The following ATG2A variants were observed in gnomAD, a reference collection of about 807,000 sequenced individuals.
The protein encoded by ATG2A is autophagy related 2A, also known as autophagy-related protein 2 homolog A.
A neutral mutation model predicts 214.2 loss-of-function variants in ATG2A; 103 were observed. That is an observed-to-expected ratio of 0.48 (90% CI 0.41 to 0.57). ATG2A has a LOEUF of 0.57. Ranked by LOEUF, ATG2A falls within the 20% of genes least tolerant of loss-of-function variation. The pLI is 0.00. For missense variants in ATG2A, 2,312 were observed against 2,613.2 expected (o/e 0.88, Z 2.51); for synonymous variants, 1,160 against 1,142.1 (o/e 1.02, Z -0.32).
intron 24 of ATG2A, among the ~76,000 whole-genome samples, chr11:64,905,325 C>T (rs993732725): frequency 6.6e-6 from 1 of 152,166 alleles, no homozygotes; most frequent in East Asian, 1.9e-4. Flanking sequence ...CTCTCTTATT[C>T]GCATATCCTA....
chr11:64,912,562 C>T, intron 6 of ATG2A, 139 bp from the exon 7 acceptor site: 1 of 673,112 alleles, frequency 1.5e-6, no homozygotes, highest in Non-Finnish European at 2.4e-6. Flanking sequence ...CTCTATGAAC[C>T]AGGCCACAAC....
rs770952675 is a variant in ATG2A at position 64,907,686 on chromosome 11, C to T, written c.2508-22G>A. On this transcript the variant is annotated intron_variant, in intron 17 of 40. Transcript: ENST00000377264. ...GATCCTGAGATAGGCGGGTGGACAG[C>T]AGGTAAGGGAGGCCAGGCCCACCCA... The T allele has an allele frequency of 3.1e-6, 5 of 1,595,920 alleles. No individual in the cohort carries two copies. The South Asian group carries it at 5.6e-5, about 18-fold the overall frequency.
rs745992164 is a variant in ATG2A at position 64,903,397 on chromosome 11, C to T, written c.3536-33G>A. The T allele has an allele frequency of 1.2e-6, 2 of 1,610,360 alleles. No homozygotes were observed. The highest frequency in any genetic ancestry group is 2.2e-5 in the East Asian group (1 of 44,870). On this transcript the variant is annotated intron_variant, in intron 25 of 40. Coordinates refer to ENST00000377264, the MANE Select transcript of ATG2A (RefSeq NM_015104.3). This position sits in a 1 kb window ranked among gnomAD's most constrained non-coding sequence, Gnocchi z 4.2. ...AGAGGCGAGAGAAAGGTCCTGTGGCCCCCTTCCACCCGGCCCCGGCCCCAG... is the reference window on the plus strand; with the variant it reads ...AGAGGCGAGAGAAAGGTCCTGTGGCTCCCTTCCACCCGGCCCCGGCCCCAG...
intron 26 of ATG2A, among the ~76,000 whole-genome samples, chr11:64,902,998 T>C (rs1944413638): frequency 7.1e-6 from 1 of 140,856 alleles, no homozygotes; most frequent in Non-Finnish European, 1.5e-5. Context: ...AGGAGATGAA[T>C]CCGGGGACCT....
In ATG2A at chr11:64,906,122, C is replaced by A. The variant is rs1190044328; in HGVS notation, c.3255G>T (p.Trp1085Cys). The A allele has an allele frequency of 6.3e-7, 1 of 1,582,654 alleles. No homozygotes were observed. The highest frequency in any genetic ancestry group is 1.8e-5 in the Admixed American group (1 of 54,914). The change falls in exon 22 of 41, where the codon TGG becomes TGT. Residue 1085 changes from tryptophan (W) to cysteine (C), a missense_variant. Trp to Cys is a radical substitution (Grantham distance 215). Transcript: ENST00000377264. ...CACCACCCACGCTCACCTGGGAATG[C>A]CAGCTCTGCTCGGGCAGGGCCATGT... Reference protein sequence around the residue: ...RHYMALPEQSWHSQLLEFLDV... With the variant: ...RHYMALPEQSCHSQLLEFLDV...
chr11:64,916,552 C>T (rs1209556527), intron 1 of ATG2A, among the ~76,000 whole-genome samples: 2 of 152,094 alleles, frequency 1.3e-5, no homozygotes, highest in Non-Finnish European at 2.9e-5. Context: ...GCCAGGGCTC[C>T]GGACCCCTAC....
chr11:64,905,661 G>A lies in ATG2A; in HGVS notation c.3372-6C>T. Reference sequence around the variant, plus strand: ...GCACTGGGAGGTAGAGTGGCCTGGGGGTGATACTCGGGCTGGGGCCGGCTC... The same window carrying A: ...GCACTGGGAGGTAGAGTGGCCTGGGAGTGATACTCGGGCTGGGGCCGGCTC... On this transcript the variant is annotated splice_region_variant and splice_polypyrimidine_tract_variant and intron_variant, in intron 23 of 40. Transcript: ENST00000377264. The A allele has an allele frequency of 6.2e-7, 1 of 1,613,846 alleles. No individual in the cohort carries two copies. Among genetic ancestry groups the A allele is most frequent in the Non-Finnish European group, 8.5e-7 (1 of 1,179,930 alleles).
chr11:64,902,410 ATGAG>A, intron 27 of ATG2A, 24 bp from the exon 28 acceptor site: 1 of 1,544,050 alleles, frequency 6.5e-7, no homozygotes, highest in Non-Finnish European at 8.7e-7. Flanking sequence ...GGGAGGAGCA[ATGAG>A]TGAGACAGGA....
rs867704446 is a variant in ATG2A at position 64,910,620 on chromosome 11, G to C, written c.1703C>G (p.Pro568Arg). 1 of 1,600,504 alleles carries C rather than the reference G, an allele frequency of 6.2e-7. No homozygotes were observed. Among genetic ancestry groups the C allele is most frequent in the Non-Finnish European group, 8.5e-7 (1 of 1,174,250 alleles). The change falls in exon 12 of 41, where the codon CCT (proline) becomes CGT (arginine). Residue 568 changes from proline to arginine, a missense_variant. Transcript: ENST00000377264. ...LRHTQILRRVPKSRPRRSVAC... is the reference protein window; with the variant it reads ...LRHTQILRRVRKSRPRRSVAC... ...GGCCTGGAGCGGGTGGGTTACCTTA[G>C]GCACACGGCGCAGGATCTGTGTGTG... is the stretch of plus-strand genomic sequence containing the variant.
In ATG2A at chr11:64,916,798, G is replaced by A. The variant is rs999436809; in HGVS notation, c.171+167C>T. 59 of 867,528 alleles carry A rather than the reference G, an allele frequency of 6.8e-5. No homozygotes were observed. The African/African-American group carries it at 8.9e-4, about 13-fold the overall frequency. 53.7% of individuals were successfully genotyped at this position (867,528 alleles called of 1,614,324 possible). A position where few individuals can be genotyped will look rare whatever the true frequency, so the allele number is the denominator to read the frequency against. ...CCGCTCAGTTTCTGGCTCTGGTAAG[G>A]AACTGAAGAGGCCAGCCGGGGTGCC... On this transcript the variant is annotated intron_variant, in intron 1 of 40. Transcript: ENST00000377264.
At chr11:64,908,507 A>G (rs1357590908) in intron 16 of ATG2A, among the ~76,000 whole-genome samples, 1 of 152,110 alleles carries the variant, frequency 6.6e-6, no homozygotes, top group Non-Finnish European at 1.5e-5. Context: ...AGCCGAGATC[A>G]TGCCACTGCA....
intron 16 of ATG2A, among the ~76,000 whole-genome samples, chr11:64,908,482 G>A (rs1475717397): frequency 6.6e-6 from 1 of 152,156 alleles, no homozygotes; most frequent in African/African-American, 2.4e-5. Flanking sequence ...AGCCTGGGAG[G>A]CGGAGGTTGC....
At chr11:64,896,343 G>A (rs1245391467) in intron 39 of ATG2A, 119 bp downstream of exon 39, 2 of 1,378,976 alleles carry the variant, frequency 1.5e-6, no homozygotes, top group East Asian at 2.5e-5. Context: ...CTATAAAGTA[G>A]GGCTGTCATA....
chr11:64,909,588 C>T (rs941333612), intron 14 of ATG2A, 93 bp downstream of exon 14: 9 of 1,555,002 alleles, frequency 5.8e-6, no homozygotes, highest in South Asian at 3.6e-5. Context: ...AGGGACTGCT[C>T]GGGTTGTGAC....
chr11:64,899,228 C>A (rs1944268070), intron 31 of ATG2A, among the ~76,000 whole-genome samples: 1 of 152,174 alleles, frequency 6.6e-6, no homozygotes, highest in Admixed American at 6.5e-5. Flanking sequence ...TATTCTATGC[C>A]CAGCAGGGAC....
At position 64,895,144 on chromosome 11, in the gene ATG2A, C is replaced by T; in HGVS notation, c.5646G>A (p.Leu1882=). The T allele has an allele frequency of 6.2e-7, 1 of 1,613,232 alleles. No homozygotes were observed. The highest frequency in any genetic ancestry group is 1.1e-5 in the South Asian group (1 of 91,052). ...GGATCACGCCCCCCACGGCGCCCGTCAGCCCCTTCTGCTCATGGCCCCGCG... is the reference window on the plus strand; with the variant it reads ...GGATCACGCCCCCCACGGCGCCCGTTAGCCCCTTCTGCTCATGGCCCCGCG... The part of the protein sequence containing the change: ...VASRGHEQKG[L]TGAVGGVIRQ... Residue 1882 remains leucine, a synonymous_variant, in exon 41 of 41, where the codon CTG becomes CTA. Transcript: ENST00000377264. This position sits in a 1 kb window ranked among gnomAD's most constrained non-coding sequence, Gnocchi z 5.0.
rs377220222 is a variant in ATG2A, at chr11:64,898,367, G to A, written c.4672-5C>T. On this transcript the variant is annotated splice_region_variant and splice_polypyrimidine_tract_variant and intron_variant, in intron 32 of 40. Transcript: ENST00000377264. The surrounding 1 kb of genome is among the most constrained non-coding windows in gnomAD (Gnocchi z 4.5). ...ATGCAGCGCTTTGATGGTGAGCTGGGAGCAGAGGGTGAGTTCTGGACACCT... is the reference window on the plus strand; with the variant it reads ...ATGCAGCGCTTTGATGGTGAGCTGGAAGCAGAGGGTGAGTTCTGGACACCT... 8 of 1,592,638 alleles carry A rather than the reference G, an allele frequency of 5.0e-6. No homozygotes were observed. In the African/African-American group the frequency reaches 9.5e-5, roughly 19 times the overall value.
At position 64,913,561 on chromosome 11, in the gene ATG2A, G is replaced by T; in HGVS notation, c.591-160C>A. On this transcript the variant is annotated intron_variant, in intron 4 of 40. Transcript: ENST00000377264. This position sits in a 1 kb window ranked among gnomAD's most constrained non-coding sequence, Gnocchi z 4.3. ...CTGAACCACCATGTCCAGCCCGGAG[G>T]CTCAGGCCAGCCCTTGCTCCTCAGA... 1.9e-6 allele frequency: 2 copies of T among 1,025,742 alleles called. No individual in the cohort carries two copies. Among genetic ancestry groups the T allele is most frequent in the Non-Finnish European group, 2.8e-6 (2 of 725,086 alleles). 63.5% of individuals were successfully genotyped at this position (1,025,742 alleles called of 1,614,324 possible). A position where few individuals can be genotyped will look rare whatever the true frequency, so the allele number is the denominator to read the frequency against.
At chr11:64,899,919 G>C (rs1944291848) in intron 31 of ATG2A, among the ~76,000 whole-genome samples, 1 of 151,212 alleles carries the variant, frequency 6.6e-6, no homozygotes, top group African/African-American at 2.4e-5. Flanking sequence ...AATGCAATAG[G>C]GCGATCTCAA....
Sources: allele counts gnomAD v4.1 joint callset (sites outside exome capture counted in the v4.1 genomes callset), GRCh38; gene constraint gnomAD v4.1.1; non-coding constraint Gnocchi (gnomAD v3.1); transcripts MANE v1.5; gene names NCBI Gene and HGNC (gene_info 2026-07-23, HGNC 2026-07-21).